The following THSD4 variants were observed in gnomAD, a reference collection of about 807,000 sequenced individuals.
THSD4 encodes the protein thrombospondin type-1 domain-containing protein 4.
In THSD4, 69 loss-of-function variants were observed where a neutral mutation model predicts 119.0. The observed-to-expected ratio is 0.58, with a 90% CI of 0.48 to 0.71. The LOEUF (loss-of-function observed/expected upper bound fraction) is 0.71, where lower values mean the gene tolerates loss of function less well. Among genes scored for constraint, THSD4 ranks in the 30% least tolerant of loss-of-function variants. The pLI is 0.00. For missense variants in THSD4, 1,393 were observed against 1,391.1 expected, an observed-to-expected ratio of 1.00 and a Z score of -0.02; for synonymous variants, 524 against 540.4, an observed-to-expected ratio of 0.97 and a Z score of 0.42.
intron 3 of THSD4, among the ~76,000 whole-genome samples, chr15:71,192,502 T>C (rs974063258): frequency 6.6e-6 from 1 of 152,054 alleles, no homozygotes; most frequent in African/African-American, 2.4e-5. Flanking sequence ...AGGCCAGTCT[T>C]GAACTCCTGG....
At chr15:71,456,364 G>T (rs894287777) in intron 7 of THSD4, among the ~76,000 whole-genome samples, 1 of 152,094 alleles carries the variant, frequency 6.6e-6, no homozygotes, top group African/African-American at 2.4e-5. Flanking sequence ...TTCAAATTTT[G>T]GTCAGATGGT....
At chr15:71,286,187 A>T (rs780423396) in intron 6 of THSD4, among the ~76,000 whole-genome samples, 1 of 152,182 alleles carries the variant, frequency 6.6e-6, no homozygotes, top group African/African-American at 2.4e-5. Flanking sequence ...ATACATGTGC[A>T]GGATGTGTAG....
At chr15:71,229,112 T>A (rs764371440) in intron 4 of THSD4, among the ~76,000 whole-genome samples, 1 of 152,236 alleles carries the variant, frequency 6.6e-6, no homozygotes, top group Non-Finnish European at 1.5e-5. Flanking sequence ...TGTTAAGCTC[T>A]TTAGAGGCTT....
intron 12 of THSD4, among the ~76,000 whole-genome samples, chr15:71,745,596 C>T (rs901980167): frequency 3.9e-5 from 6 of 152,114 alleles, no homozygotes; most frequent in Non-Finnish European, 5.9e-5. Context: ...AAAACATCAG[C>T]CTGGAGAGGC....
Position 71,780,700 on chromosome 15 carries a change from G to T in THSD4, c.*3326G>T. 2.2e-6 allele frequency: 1 copy of T among 456,610 alleles called. No individual in the cohort carries two copies. The highest frequency in any genetic ancestry group is 4.4e-6 in the Non-Finnish European group (1 of 226,944). 28.3% of individuals were successfully genotyped at this position (456,610 alleles called of 1,614,324 possible). A position where few individuals can be genotyped will look rare whatever the true frequency, so the allele number is the denominator to read the frequency against. On this transcript the variant is annotated 3_prime_UTR_variant, in exon 18 of 18. Coordinates refer to ENST00000261862, the MANE Select transcript of THSD4 (RefSeq NM_024817.3). ...AACTAGAACATGACAAGAATTCTCC[G>T]CACTGTGCCTACCTGTCCCTTTACC...
At chr15:71,385,498 A>G (rs2046283727) in intron 6 of THSD4, among the ~76,000 whole-genome samples, 1 of 152,242 alleles carries the variant, frequency 6.6e-6, no homozygotes, top group Non-Finnish European at 1.5e-5. Context: ...ATGACTGGAC[A>G]CTTATGGACA....
intron 17 of THSD4, among the ~76,000 whole-genome samples, chr15:71,773,892 G>A (rs192045014): frequency 8.4e-4 from 128 of 152,242 alleles, no homozygotes; most frequent in Admixed American, 2.2e-3. Flanking sequence ...ACAATTGATA[G>A]CATCTTAAAA....
At chr15:71,261,173 G>A (rs1355019609) in intron 6 of THSD4, among the ~76,000 whole-genome samples, 1 of 152,116 alleles carries the variant, frequency 6.6e-6, no homozygotes, top group Non-Finnish European at 1.5e-5. Flanking sequence ...GAGTAGAATA[G>A]GCCCTAATCC....
intron 6 of THSD4, among the ~76,000 whole-genome samples, chr15:71,402,261 C>G (rs935880717): frequency 4.6e-5 from 7 of 151,978 alleles, no homozygotes; most frequent in African/African-American, 1.7e-4. Context: ...GTCTTGCCCT[C>G]TTTCATTATC....
chr15:71,305,294 C>A (rs1053967981), intron 6 of THSD4, among the ~76,000 whole-genome samples: 10 of 152,076 alleles, frequency 6.6e-5, no homozygotes, highest in Non-Finnish European at 1.2e-4. Context: ...AGAGGACCCC[C>A]TGCGATCTAC....
intron 7 of THSD4, among the ~76,000 whole-genome samples, chr15:71,503,832 G>A (rs1434984659): frequency 6.6e-6 from 1 of 152,176 alleles, no homozygotes; most frequent in Non-Finnish European, 1.5e-5. Flanking sequence ...GTCAAAAGAG[G>A]CACTGAATCC....
intron 3 of THSD4, among the ~76,000 whole-genome samples, chr15:71,199,477 T>TGTGTGTGTGGG (rs1473765164): frequency 7.3e-6 from 1 of 136,240 alleles, no homozygotes; most frequent in Non-Finnish European, 1.6e-5. Context: ...GTGTGTGGTG[T>TGTGTGTGTGGG]GTGTGTGTGG....
chr15:71,097,771 A>T (rs887627105), intron 1 of THSD4, among the ~76,000 whole-genome samples: 1 of 151,120 alleles, frequency 6.6e-6, no homozygotes, highest in Non-Finnish European at 1.5e-5. Context: ...CTGATTCATC[A>T]CACAATCTGT....
intron 7 of THSD4, among the ~76,000 whole-genome samples, chr15:71,459,591 G>C (rs2047399070): frequency 6.6e-6 from 1 of 151,836 alleles, no homozygotes; most frequent in Non-Finnish European, 1.5e-5. Context: ...AGCAGGTCTT[G>C]GTATTTTTCA....
chr15:71,400,984 C>G (rs758582287), intron 6 of THSD4, among the ~76,000 whole-genome samples: 3 of 152,204 alleles, frequency 2.0e-5, no homozygotes, highest in Non-Finnish European at 4.4e-5. Context: ...AGAATCTCCT[C>G]TTTTCGTACC....
chr15:71,679,493 T>C (rs1010762827), intron 8 of THSD4, among the ~76,000 whole-genome samples: 1 of 152,260 alleles, frequency 6.6e-6, no homozygotes, highest in Non-Finnish European at 1.5e-5. Context: ...GCCCTCATGC[T>C]GTGGTTTGCC....
intron 4 of THSD4, among the ~76,000 whole-genome samples, chr15:71,237,948 C>T (rs1368930594): frequency 6.6e-6 from 1 of 152,130 alleles, no homozygotes; most frequent in African/African-American, 2.4e-5. Flanking sequence ...ACTATTATAG[C>T]AACAGCAATT....
chr15:71,639,718 T>C (rs1204928470), intron 7 of THSD4, among the ~76,000 whole-genome samples: 2 of 152,180 alleles, frequency 1.3e-5, no homozygotes, highest in East Asian at 3.9e-4. Flanking sequence ...AATTATGTTC[T>C]TTATTTTATG....
chr15:71,311,118 T>C (rs1258262171), intron 6 of THSD4, among the ~76,000 whole-genome samples: 2 of 152,196 alleles, frequency 1.3e-5, no homozygotes, highest in Admixed American at 1.3e-4. Flanking sequence ...CCCTTGGGTT[T>C]GGTCCTAATT....
Sources: allele counts gnomAD v4.1 joint callset (sites outside exome capture counted in the v4.1 genomes callset), GRCh38; gene constraint gnomAD v4.1.1; transcripts MANE v1.5; gene names NCBI Gene and HGNC (gene_info 2026-07-23, HGNC 2026-07-21).